LRRC37A2: variants seen among roughly 807,000 people sequenced by gnomAD.
LRRC37A2 encodes leucine-rich repeat-containing protein 37A2.
LRRC37A2 carries 9 observed loss-of-function variants against 68.8 expected under a neutral mutation model. The ratio of observed to expected loss-of-function variants is 0.13; its 90% CI spans 0.08 to 0.23. LRRC37A2 has a LOEUF of 0.23. LRRC37A2 is among the 10% of genes least tolerant of loss of function. The pLI is 1.00. For synonymous variants in LRRC37A2, 63 were observed against 367.6 expected (o/e 0.17, Z 9.48); for missense variants, 168 against 950.4 (o/e 0.18, Z 10.82).
At chr17:46,791,270 G>T in the LRRC37A2 span, among the ~76,000 whole-genome samples, 1 of 151,676 alleles carries the variant, frequency 6.6e-6, no homozygotes, top group African/African-American at 2.4e-5. Flanking sequence ...CTGTAGTGCA[G>T]TGGCGTGATC....
chr17:46,779,053 T>TCACTCACACA, the LRRC37A2 span, among the ~76,000 whole-genome samples: 3 of 100,612 alleles, frequency 3.0e-5, no homozygotes, highest in Admixed American at 1.2e-4. Flanking sequence ...CCCTACCCCA[T>TCACTCACACA]CACACACACA....
the LRRC37A2 span, among the ~76,000 whole-genome samples, chr17:46,840,687 C>T: frequency 7.2e-5 from 11 of 152,158 alleles, no homozygotes; most frequent in African/African-American, 2.4e-4. Flanking sequence ...TTTTAATGGT[C>T]GCCATTCTAA....
chr17:46,908,552 G>A, the LRRC37A2 span, among the ~76,000 whole-genome samples: 9 of 152,112 alleles, frequency 5.9e-5, no homozygotes, highest in South Asian at 2.1e-4. Flanking sequence ...GATTTTGCCC[G>A]AGGGGGTGGG....
chr17:46,741,908 G>A, the LRRC37A2 span, among the ~76,000 whole-genome samples: 1 of 152,190 alleles, frequency 6.6e-6, no homozygotes, highest in Non-Finnish European at 1.5e-5. Context: ...TGGGATTACA[G>A]GCATGTGCCA....
chr17:46,476,540 C>T, the LRRC37A2 span, among the ~76,000 whole-genome samples: 3 of 97,392 alleles, frequency 3.1e-5, no homozygotes, highest in South Asian at 4.8e-4. Context: ...AAAACTTAGC[C>T]GAGTGTGGTG....
chr17:46,797,167 T>C, the LRRC37A2 span, among the ~76,000 whole-genome samples: 1 of 152,196 alleles, frequency 6.6e-6, no homozygotes, highest in Non-Finnish European at 1.5e-5. Flanking sequence ...GGCTCCAAGT[T>C]GCCTGTGGCG....
the LRRC37A2 span, among the ~76,000 whole-genome samples, chr17:46,707,395 T>C: frequency 1.3e-5 from 2 of 152,216 alleles, no homozygotes; most frequent in African/African-American, 4.8e-5. Context: ...ACATATAAAG[T>C]TTACCATTGT....
At chr17:46,393,332 ATTTATATCAG>A in the LRRC37A2 span, among the ~76,000 whole-genome samples, 1 of 86,396 alleles carries the variant, frequency 1.2e-5, no homozygotes, top group South Asian at 5.0e-4. Flanking sequence ...AAGAAAATAC[ATTTATATCAG>A]AAAGAAATAA....
the LRRC37A2 span, among the ~76,000 whole-genome samples, chr17:46,462,463 AT>A: frequency 2.9e-5 from 2 of 68,640 alleles, 1 homozygote; most frequent in African/African-American, 9.2e-5. Flanking sequence ...CTTGATTCTA[AT>A]TTTTTTTGAG....
chr17:46,755,240 G>C, the LRRC37A2 span: 3 of 1,118,044 alleles, frequency 2.7e-6, no homozygotes, highest in Admixed American at 5.1e-5. Context: ...ACCGAACACT[G>C]CCTTCTCATG....
At chr17:46,657,238 CAAGTGTA>C in the LRRC37A2 span, among the ~76,000 whole-genome samples, 9,953 of 98,104 alleles carry the variant, frequency 0.1, 5 homozygotes, top group Non-Finnish European at 0.16. Context: ...AAAGGATTCA[CAAGTGTA>C]AATGTTTTTG....
chr17:46,977,853 C>T, the LRRC37A2 span, among the ~76,000 whole-genome samples: 7 of 152,284 alleles, frequency 4.6e-5, no homozygotes, highest in African/African-American at 7.2e-5. Flanking sequence ...GTTTTGGACA[C>T]AGCTGACTGA....
At chr17:46,904,782 G>A in the LRRC37A2 span, among the ~76,000 whole-genome samples, 1 of 152,296 alleles carries the variant, frequency 6.6e-6, no homozygotes, top group East Asian at 1.9e-4. Context: ...ATGAACACAG[G>A]CCTGTTCTCC....
chr17:46,901,276 C>T, the LRRC37A2 span, among the ~76,000 whole-genome samples: 3 of 152,122 alleles, frequency 2.0e-5, no homozygotes, highest in Non-Finnish European at 2.9e-5. Flanking sequence ...ATTCTCCTGT[C>T]TCAGCCTCCC....
At chr17:46,844,305 C>CTT in the LRRC37A2 span, among the ~76,000 whole-genome samples, 15,647 of 126,662 alleles carry the variant, frequency 0.12, 1,215 homozygotes, top group East Asian at 0.3. Flanking sequence ...AGTTAGCCAC[C>CTT]TTTTTTTTTT....
At chr17:46,550,971 C>T (rs1322971837) in intron 11 of LRRC37A2, among the ~76,000 whole-genome samples, 2 of 149,540 alleles carry the variant, frequency 1.3e-5, no homozygotes, top group African/African-American at 2.6e-5. Flanking sequence ...TAGATTTACA[C>T]AGTATCGTCC....
At chr17:46,923,335 A>G in the LRRC37A2 span, 5,196 of 1,533,206 alleles carry the variant, frequency 3.4e-3, 159 homozygotes, top group African/African-American at 0.064. Flanking sequence ...TTTTTCCGCC[A>G]GGGCACTGCT....
chr17:47,003,609 T>C, the LRRC37A2 span, among the ~76,000 whole-genome samples: 112 of 152,352 alleles, frequency 7.4e-4, no homozygotes, highest in African/African-American at 2.6e-3. Flanking sequence ...GGGCTGACCA[T>C]TGGGGTAGCA....
At chr17:46,975,918 A>G in the LRRC37A2 span, among the ~76,000 whole-genome samples, 2 of 151,740 alleles carry the variant, frequency 1.3e-5, no homozygotes, top group African/African-American at 4.8e-5. Context: ...GAAAATGATA[A>G]AAGTTGTTGT....
Sources: gnomAD v4.1 joint callset for allele counts (sites outside exome capture counted in the v4.1 genomes callset) on GRCh38, gnomAD v4.1.1 for gene constraint, MANE v1.5 for transcripts, NCBI Gene and HGNC (gene_info 2026-07-23, HGNC 2026-07-21) for gene names.